DNAJC6: variants seen among roughly 807,000 people sequenced by gnomAD.
DNAJC6 encodes the protein auxilin.
In DNAJC6, 34 loss-of-function variants were observed where a neutral mutation model predicts 110.0. The observed-to-expected ratio is 0.31, with a 90% CI of 0.24 to 0.41. The LOEUF (loss-of-function observed/expected upper bound fraction) is 0.41. Among genes scored for constraint, DNAJC6 ranks in the 10% least tolerant of loss-of-function variants. The pLI is 1.00. For missense variants in DNAJC6, 1,031 were observed against 1,207.8 expected, an observed-to-expected ratio of 0.85 and a Z score of 2.17; for synonymous variants, 406 against 437.2, an observed-to-expected ratio of 0.93 and a Z score of 0.89.
intron 9 of DNAJC6, 61 bp downstream of exon 9, chr1:65,388,476 C>A: frequency 6.8e-7 from 1 of 1,460,416 alleles, no homozygotes; most frequent in Non-Finnish European, 9.6e-7. Context: ...TGCTGAGGCT[C>A]AATGGCACCA....
intron 16 of DNAJC6, among the ~76,000 whole-genome samples, chr1:65,407,028 G>C (rs1400988227): frequency 6.6e-6 from 1 of 152,094 alleles, no homozygotes; most frequent in Non-Finnish European, 1.5e-5. Context: ...TTTATTTGCA[G>C]TTTCAGTTAC....
In DNAJC6 at chr1:65,392,636, C is replaced by G. The variant is rs368299385; in HGVS notation, c.1674C>G (p.Gly558=). 2.0e-5 allele frequency: 32 copies of G among 1,613,314 alleles called. No homozygotes were observed. In the African/African-American group the frequency reaches 4.3e-4, roughly 22 times the overall value. ...PPPPEDVDLL[G]LEGSAMSNSF... The stretch of plus-strand genomic sequence containing the variant: ...CCCCTGAGGATGTGGACCTTTTGGG[C>G]CTGGAAGGGTCTGCAATGAGTAACA... Residue 558 remains glycine, a synonymous_variant, in exon 12 of 19, where the codon GGC becomes GGG. Coordinates refer to ENST00000371069, the MANE Select transcript of DNAJC6 (RefSeq NM_001256864.2).
At chr1:65,403,533 G>A (rs1400805882) in intron 15 of DNAJC6, among the ~76,000 whole-genome samples, 1 of 152,166 alleles carries the variant, frequency 6.6e-6, no homozygotes, top group African/African-American at 2.4e-5. Flanking sequence ...TGATATTCCT[G>A]TTCTTTGAAA....
intron 1 of DNAJC6, among the ~76,000 whole-genome samples, chr1:65,346,507 C>CA (rs1298955782): frequency 1.3e-5 from 2 of 152,208 alleles, no homozygotes; most frequent in East Asian, 3.9e-4. Flanking sequence ...TCTCATCTTC[C>CA]ATCCCTCTCT....
Position 65,296,167 on chromosome 1 carries a change from A to G in DNAJC6, c.-131+31235A>G, listed in dbSNP as rs188368718. On this transcript the variant is annotated intron_variant, in intron 1 of 19. Transcript: ENST00000263441. ...ATGAAAGAGTCATACTCTGTTATTCATAAATAAAATATAGCCAAAGGGAAT... is the reference window on the plus strand; with the variant it reads ...ATGAAAGAGTCATACTCTGTTATTCGTAAATAAAATATAGCCAAAGGGAAT... 1.3e-3 allele frequency among the ~76,000 whole-genome samples: 197 copies of G among 152,366 alleles called. 3 individuals are homozygous for G. The highest frequency in any genetic ancestry group is 4.4e-3 in the African/African-American group (181 of 41,594).
At chr1:65,398,657 A>G (rs1299742318) in intron 13 of DNAJC6, among the ~76,000 whole-genome samples, 156 bp from the exon 14 acceptor site, 3 of 152,228 alleles carry the variant, frequency 2.0e-5, no homozygotes, top group African/African-American at 7.2e-5. Context: ...TGAATGTTGC[A>G]GAGTGTGGCA....
At chr1:65,342,042 G>A (rs553884771) in intron 1 of DNAJC6, among the ~76,000 whole-genome samples, 2 of 152,280 alleles carry the variant, frequency 1.3e-5, no homozygotes, top group South Asian at 4.1e-4. Context: ...TTAATGCAGA[G>A]CAGACATCAG....
At chr1:65,336,170 A>C (rs1645334238) in intron 1 of DNAJC6, among the ~76,000 whole-genome samples, 1 of 152,192 alleles carries the variant, frequency 6.6e-6, no homozygotes, top group Admixed American at 6.5e-5. Flanking sequence ...ACTTACAATC[A>C]TGGCAGAAGG....
intron 1 of DNAJC6, among the ~76,000 whole-genome samples, chr1:65,297,880 C>T (rs537223898): frequency 4.6e-5 from 7 of 152,082 alleles, no homozygotes; most frequent in South Asian, 2.1e-4. Context: ...CACCAGCTGG[C>T]GCCACCCAGA....
chr1:65,283,035 C>T (rs1557496692), intron 1 of DNAJC6, among the ~76,000 whole-genome samples: 1 of 152,098 alleles, frequency 6.6e-6, no homozygotes, highest in Non-Finnish European at 1.5e-5. Flanking sequence ...CAATGATATC[C>T]TATGCATCCT....
At chr1:65,370,822 A>G (rs1645698144) in intron 4 of DNAJC6, among the ~76,000 whole-genome samples, 1 of 152,202 alleles carries the variant, frequency 6.6e-6, no homozygotes, top group African/African-American at 2.4e-5. Flanking sequence ...CTCATGATTG[A>G]AGGTCAATGT....
At chr1:65,379,376 A>G (rs763024192) in intron 4 of DNAJC6, 26 bp from the exon 5 acceptor site, 1 of 1,612,832 alleles carries the variant, frequency 6.2e-7, no homozygotes, top group Admixed American at 1.7e-5. Context: ...TGGAGGAATT[A>G]ATTTCCTTTT....
intron 13 of DNAJC6, among the ~76,000 whole-genome samples, chr1:65,397,921 T>G (rs553352883): frequency 6.6e-6 from 1 of 151,972 alleles, no homozygotes; most frequent in East Asian, 1.9e-4. Context: ...GGTGATGGGG[T>G]GTGTGTGTGC....
At chr1:65,350,938 CTA>C (rs955880867) in intron 1 of DNAJC6, among the ~76,000 whole-genome samples, 1 of 152,166 alleles carries the variant, frequency 6.6e-6, no homozygotes, top group African/African-American at 2.4e-5. Flanking sequence ...GTCTTACTCT[CTA>C]TATTTACAGC....
Position 65,401,827 on chromosome 1 carries a change from C to T in DNAJC6, c.2174C>T (p.Thr725Ile), listed in dbSNP as rs1646032691. 6.2e-7 allele frequency: 1 copy of T among 1,613,966 alleles called. No individual in the cohort carries two copies. Among genetic ancestry groups the T allele is most frequent in the South Asian group, 1.1e-5 (1 of 91,058 alleles). ...SPTGSSHGTP[T>I]HQSKPQTLDP... ...ACCGGATCCTCGCATGGTACTCCCA[C>T]CCATCAAAGCAAACCCCAGACTCTG... The change falls in exon 15 of 19, where the codon ACC (threonine) becomes ATC (isoleucine). Residue 725 changes from threonine to isoleucine, a missense_variant. Transcript: ENST00000371069.
chr1:65,382,349 C>T (rs756887626), intron 5 of DNAJC6, among the ~76,000 whole-genome samples: 1 of 152,100 alleles, frequency 6.6e-6, no homozygotes, highest in Non-Finnish European at 1.5e-5. Context: ...TATCTGCTTC[C>T]AAAGGTAGGT....
intron 6 of DNAJC6, among the ~76,000 whole-genome samples, 196 bp from the exon 7 acceptor site, chr1:65,385,516 A>G (rs1415378747): frequency 6.6e-6 from 1 of 152,246 alleles, no homozygotes; most frequent in Non-Finnish European, 1.5e-5. Flanking sequence ...TCATTGGGGA[A>G]GTACAGCAAT....
chr1:65,388,270 CT>C, intron 8 of DNAJC6, 65 bp from the exon 9 acceptor site: 2 of 1,435,494 alleles, frequency 1.4e-6, no homozygotes, highest in African/African-American at 1.4e-5. Flanking sequence ...TCCCCAAAAT[CT>C]AATCTTTTGA....
In DNAJC6 at chr1:65,290,258, A is replaced by T. The variant is rs1387579607; in HGVS notation, c.-131+25326A>T. ...TTTGTAGATTTTCTTAGAGATTTAT[A>T]TTGAGTCCTTTGAATGTATGTATTG... On this transcript the variant is annotated intron_variant, in intron 1 of 19. Transcript: ENST00000263441. Among the ~76,000 whole-genome samples the T allele has an allele frequency of 2.0e-5, 3 of 152,170 alleles. No homozygotes were observed. The East Asian group carries it at 5.8e-4, about 29-fold the overall frequency.
Sources: gnomAD v4.1 joint callset for allele counts (sites outside exome capture counted in the v4.1 genomes callset) on GRCh38, gnomAD v4.1.1 for gene constraint, MANE v1.5 for transcripts, NCBI Gene and HGNC (gene_info 2026-07-23, HGNC 2026-07-21) for gene names.